Variants in COL6A5 observed in about 807,000 individuals in gnomAD.
COL6A5 encodes collagen type VI alpha 5 chain.
COL6A5 carries 48 observed loss-of-function variants against 65.6 expected under a neutral mutation model. The observed-to-expected ratio is 0.73, with a 90% CI of 0.58 to 0.93. The LOEUF is 0.93. Ranked by LOEUF, COL6A5 falls within the 40% of genes least tolerant of loss-of-function variation. The pLI, the probability that COL6A5 is intolerant of heterozygous loss-of-function variation, is 0.00. For synonymous variants in COL6A5, 291 were observed against 322.8 expected (o/e 0.90, Z 1.05); for missense variants, 914 against 928.3 (o/e 0.98, Z 0.20).
In COL6A5 at chr3:130,396,821, A is replaced by G. The variant is rs544572411; in HGVS notation, c.3569-762A>G. ...GCCATTTGTGTTTGTAACCTCTAAA[A>G]CTTAAATAATCTGAAAAGACAGCAC... On this transcript the variant is annotated intron_variant and NMD_transcript_variant, in intron 8 of 41. Coordinates refer to the COL6A5 transcript ENST00000312481. 3.3e-5 allele frequency among the ~76,000 whole-genome samples: 5 copies of G among 152,138 alleles called. No individual in the cohort carries two copies. In the South Asian group the frequency reaches 1.0e-3, roughly 31 times the overall value.
intron 17 of COL6A5, among the ~76,000 whole-genome samples, chr3:130,407,767 T>C (rs540687828): frequency 2.6e-5 from 4 of 152,334 alleles, no homozygotes; most frequent in Admixed American, 2.0e-4. Context: ...TCAATATGCC[T>C]GCAAGGATCC....
At chr3:130,354,041 AAAGCAAG>A (rs1934824664) in intron 1 of COL6A5, among the ~76,000 whole-genome samples, 1 of 151,882 alleles carries the variant, frequency 6.6e-6, no homozygotes, top group South Asian at 2.1e-4. Flanking sequence ...AGAAGTAGAG[AAAGCAAG>A]AAAAGCAAGC....
chr3:130,373,954 C>T lies in COL6A5; in HGVS notation c.67+249C>T, dbSNP rs550191827. Among the ~76,000 whole-genome samples, 5 of 152,260 alleles carry T rather than the reference C, an allele frequency of 3.3e-5. No homozygotes were observed. In the South Asian group the frequency reaches 1.0e-3, roughly 32 times the overall value. On this transcript the variant is annotated intron_variant and NMD_transcript_variant, in intron 2 of 41. Transcript: ENST00000312481. ...TTAATTTGCTTCAATCTCAATATTA[C>T]ATGTCTCCATGGATTGAGTCAGTCC... is the stretch of plus-strand genomic sequence containing the variant.
intron 7 of COL6A5, among the ~76,000 whole-genome samples, chr3:130,394,377 T>A (rs1306305603): frequency 6.6e-6 from 1 of 152,198 alleles, no homozygotes; most frequent in Non-Finnish European, 1.5e-5. Flanking sequence ...ATTCGTAAAA[T>A]TAGAATAATT....
chr3:130,440,141 G>A (rs2107702477), intron 2 of COL6A5, 25 bp from the exon 35 acceptor site: 1 of 1,583,916 alleles, frequency 6.3e-7, no homozygotes, highest in Non-Finnish European at 8.6e-7. Flanking sequence ...TTGAACCAAT[G>A]ATGTGTCTCT....
At chr3:130,443,597 G>T in intron 4 of COL6A5, 31 bp downstream of exon 36, 1 of 1,424,492 alleles carries the variant, frequency 7.0e-7, no homozygotes, top group South Asian at 1.2e-5. Context: ...ATTTACAAGT[G>T]ACTGCTAATT....
chr3:130,479,186 G>T (rs1211472138), intron 7 of COL6A5, among the ~76,000 whole-genome samples: 2 of 151,926 alleles, frequency 1.3e-5, no homozygotes, highest in Non-Finnish European at 2.9e-5. Flanking sequence ...AAGGACACAA[G>T]GGGACTCCTC....
At chr3:130,460,344 C>G (rs1262510096) in intron 5 of COL6A5, among the ~76,000 whole-genome samples, 1 of 152,054 alleles carries the variant, frequency 6.6e-6, no homozygotes, top group Non-Finnish European at 1.5e-5. Context: ...TTTACATTTC[C>G]TTTTGCTTGG....
rs370687733 is a variant in COL6A5, at chr3:130,357,948, C to T, written c.-29+11967C>T. ...CTCATGCCTGTAATCCCAGCACTTT[C>T]GGAGCCTGAGGCGGGCGGATCACGA... On this transcript the variant is annotated intron_variant and NMD_transcript_variant, in intron 1 of 41. Coordinates refer to the COL6A5 transcript ENST00000312481. Among the ~76,000 whole-genome samples, 210 of 152,194 alleles carry T rather than the reference C, an allele frequency of 1.4e-3. 1 individual carries two copies. Among genetic ancestry groups the T allele is most frequent in the South Asian group, 1.0e-2 (48 of 4,818 alleles).
chr3:130,406,298 G>T, exon 17 of COL6A5: 1 of 1,548,740 alleles, frequency 6.5e-7, no homozygotes. Flanking sequence ...AATAAAAGGA[G>T]AAAAAGGTGA....
At chr3:130,440,633 A>C in exon 3 of COL6A5, 1 of 1,613,500 alleles carries the variant, frequency 6.2e-7, no homozygotes, top group Non-Finnish European at 8.5e-7. Flanking sequence ...ATTTGTAAAA[A>C]TGATGGCTTT....
chr3:130,385,026 C>G (rs1356535659), exon 5 of COL6A5: 2 of 1,550,756 alleles, frequency 1.3e-6, no homozygotes, highest in Admixed American at 3.9e-5. Flanking sequence ...TTAAGAAAGG[C>G]TATTTTTAAC....
At chr3:130,478,941 A>G (rs1038223842) in intron 7 of COL6A5, among the ~76,000 whole-genome samples, 5 of 152,002 alleles carry the variant, frequency 3.3e-5, no homozygotes, top group Admixed American at 3.3e-4. Context: ...GGCCCCTCCC[A>G]TTTCCCAACT....
chr3:130,436,263 A>G (rs1164151766), intron 1 of COL6A5, among the ~76,000 whole-genome samples: 1 of 150,648 alleles, frequency 6.6e-6, no homozygotes, highest in Non-Finnish European at 1.5e-5. Context: ...TTTATTTATT[A>G]TTATATTATT....
chr3:130,462,704 G>C (rs1254948163), intron 5 of COL6A5, among the ~76,000 whole-genome samples: 1 of 152,098 alleles, frequency 6.6e-6, no homozygotes, highest in African/African-American at 2.4e-5. Flanking sequence ...GTTCTACAAT[G>C]CCTAAGAAGA....
exon 3 of COL6A5, chr3:130,440,508 C>T: frequency 1.2e-6 from 2 of 1,613,712 alleles, no homozygotes; most frequent in African/African-American, 1.3e-5. Context: ...GGAGAAGCAA[C>T]AATTGGTCGT....
chr3:130,395,536 G>A lies in COL6A5; in HGVS notation c.3568+71G>A, dbSNP rs1577464740. On this transcript the variant is annotated intron_variant and NMD_transcript_variant, in intron 8 of 41. Transcript: ENST00000312481. ...CTCCATTTCCCAAGAGTGTCTTATG[G>A]GCTAGCTCTAGCAGAGCATATATTT... 5.3e-6 allele frequency: 6 copies of A among 1,140,804 alleles called. No homozygotes were observed. The East Asian group carries it at 7.7e-5, about 15-fold the overall frequency. The allele number at this position is 1,140,804 out of a possible 1,614,324, so 70.7% of individuals were successfully genotyped here.
At chr3:130,461,461 A>G (rs964735315) in intron 5 of COL6A5, among the ~76,000 whole-genome samples, 1 of 152,138 alleles carries the variant, frequency 6.6e-6, no homozygotes, top group African/African-American at 2.4e-5. Flanking sequence ...AATTAAATCT[A>G]TCATTATTTC....
intron 7 of COL6A5, among the ~76,000 whole-genome samples, chr3:130,474,272 A>G (rs372062738): frequency 3.9e-5 from 6 of 152,248 alleles, no homozygotes; most frequent in East Asian, 1.9e-4. Context: ...TGTGACTGCT[A>G]CTCACAGACA....
Sources: gnomAD v4.1 joint callset for allele counts (sites outside exome capture counted in the v4.1 genomes callset) on GRCh38, gnomAD v4.1.1 for gene constraint, MANE v1.5 for transcripts, NCBI Gene and HGNC (gene_info 2026-07-23, HGNC 2026-07-21) for gene names.